Variants in FCHO1 observed in about 807,000 individuals in gnomAD.
FCHO1 encodes the protein FCH and mu domain containing endocytic adaptor 1, also known as F-BAR domain only protein 1.
FCHO1 carries 45 observed loss-of-function variants against 114.4 expected under a neutral mutation model. That is an observed-to-expected ratio of 0.39 (90% CI 0.31 to 0.50). FCHO1 has a LOEUF of 0.50. Among genes scored for constraint, FCHO1 ranks in the 20% least tolerant of loss-of-function variants. FCHO1 has a pLI of 0.77. For synonymous variants in FCHO1, 480 were observed against 488.9 expected (o/e 0.98, Z 0.24); for missense variants, 1,042 against 1,209.6 (o/e 0.86, Z 2.06).
In FCHO1 at chr19:17,775,193, C is replaced by T. The variant is rs2092446406; in HGVS notation, c.945+113C>T. ...AAACTAAAGAGCCGAGATTGAGGGG[C>T]GGGCTGGAGCCTGGGGGCTGGGTTC... On this transcript the variant is annotated intron_variant, in intron 14 of 28. Transcript: ENST00000596536. This position sits in a 1 kb window ranked among gnomAD's most constrained non-coding sequence, Gnocchi z 5.1. The T allele has an allele frequency of 1.1e-5, 13 of 1,237,232 alleles. No individual in the cohort carries two copies. The highest frequency in any genetic ancestry group is 1.5e-5 in the African/African-American group (1 of 66,546). The allele number at this position is 1,237,232 out of a possible 1,614,324, so 76.6% of individuals were successfully genotyped here.
In FCHO1 at chr19:17,775,052, C is replaced by T. The variant is rs751093294; in HGVS notation, c.921-4C>T. ...GACACCAACATCTCTTCCTCCATCCCCAGAGATTTCCTGGAGCCCGATTCA... is the reference window on the plus strand; with the variant it reads ...GACACCAACATCTCTTCCTCCATCCTCAGAGATTTCCTGGAGCCCGATTCA... On this transcript the variant is annotated splice_region_variant and splice_polypyrimidine_tract_variant and intron_variant, in intron 13 of 28. Coordinates refer to ENST00000596536, the MANE Select transcript of FCHO1 (RefSeq NM_015122.3). The surrounding 1 kb of genome is among the most constrained non-coding windows in gnomAD (Gnocchi z 5.1). 2 of 1,613,542 alleles carry T rather than the reference C, an allele frequency of 1.2e-6. No homozygotes were observed. Among genetic ancestry groups the T allele is most frequent in the Non-Finnish European group, 1.7e-6 (2 of 1,179,788 alleles).
chr19:17,770,778 C>T lies in FCHO1; in HGVS notation c.490-14C>T. 2 of 1,613,802 alleles carry T rather than the reference C, an allele frequency of 1.2e-6. No homozygotes were observed. Among genetic ancestry groups the T allele is most frequent in the Non-Finnish European group, 1.7e-6 (2 of 1,179,884 alleles). Reference sequence around the variant, plus strand: ...ATCGCCCTCCCATCCCCGTTTCCTCCCTGTGCTTTGTAGGCGGAGACTAAA... The same window carrying T: ...ATCGCCCTCCCATCCCCGTTTCCTCTCTGTGCTTTGTAGGCGGAGACTAAA... On this transcript the variant is annotated splice_polypyrimidine_tract_variant and intron_variant, in intron 8 of 28. Coordinates refer to ENST00000596536, the MANE Select transcript of FCHO1 (RefSeq NM_015122.3).
At position 17,775,004 on chromosome 19, in the gene FCHO1, G is replaced by T; in HGVS notation, c.921-52G>T. ...GTCCAGTGTTGGGGGCTGACAGGGGGCACCAGATGGGCTGCGGAAGCTGAC... is the reference window on the plus strand; with the variant it reads ...GTCCAGTGTTGGGGGCTGACAGGGGTCACCAGATGGGCTGCGGAAGCTGAC... On this transcript the variant is annotated intron_variant, in intron 13 of 28. Transcript: ENST00000596536. This position sits in a 1 kb window ranked among gnomAD's most constrained non-coding sequence, Gnocchi z 5.1. 1 of 1,606,880 alleles carries T rather than the reference G, an allele frequency of 6.2e-7. No homozygotes were observed. Among genetic ancestry groups the T allele is most frequent in the Non-Finnish European group, 8.5e-7 (1 of 1,173,974 alleles).
intron 9 of FCHO1, 122 bp from the exon 10 acceptor site, chr19:17,772,335 C>A: frequency 1.4e-6 from 1 of 733,442 alleles, no homozygotes; most frequent in Non-Finnish European, 2.4e-6. Context: ...TCTCATTGGC[C>A]CTTCCCCAAA....
chr19:17,770,637 C>G, intron 8 of FCHO1, 60 bp downstream of exon 8: 1 of 1,585,214 alleles, frequency 6.3e-7, no homozygotes, highest in East Asian at 2.3e-5. Flanking sequence ...GCTGCCTGAT[C>G]AGAGAGTGGA....
chr19:17,755,316 G>GT, intron 4 of FCHO1, 125 bp downstream of exon 4: 1 of 873,462 alleles, frequency 1.1e-6, no homozygotes, highest in Non-Finnish European at 1.8e-6. Context: ...AGGGATGGAA[G>GT]TTAAAGTGGG....
chr19:17,778,170 G>A lies in FCHO1; in HGVS notation c.1293G>A (p.Val431=). ...CAERLQSEEQ[V]SKNLFGPPLE... The stretch of plus-strand genomic sequence containing the variant: ...AGAGATTGCAGTCAGAGGAGCAGGT[G>A]TCCAAGAACCTCTTTGGGCCGCCCC... Residue 431 remains valine (V), a synonymous_variant, in exon 19 of 29, where the codon GTG becomes GTA. Transcript: ENST00000596536. The A allele has an allele frequency of 6.2e-7, 1 of 1,614,020 alleles. No homozygotes were observed. Among genetic ancestry groups the A allele is most frequent in the Non-Finnish European group, 8.5e-7 (1 of 1,179,986 alleles).
Position 17,783,164 on chromosome 19 carries a change from G to T in FCHO1, c.2085G>T (p.Leu695=), listed in dbSNP as rs371034799. 18 of 1,613,884 alleles carry T rather than the reference G, an allele frequency of 1.1e-5. No individual in the cohort carries two copies. The highest frequency in any genetic ancestry group is 1.4e-5 in the Non-Finnish European group (17 of 1,179,940). Residue 695 remains leucine, a synonymous_variant, in exon 24 of 29, where the codon CTG becomes CTT. Coordinates refer to ENST00000596536, the MANE Select transcript of FCHO1 (RefSeq NM_015122.3). ...AIEHFQPNAD[L]LFSDPSQSDP... ...AGCACTTCCAGCCCAACGCCGATCT[G>T]CTGTTCAGGTACTATGGAGGGGCAG...
chr19:17,762,432 CTG>C (rs1311308861), intron 4 of FCHO1, among the ~76,000 whole-genome samples: 1 of 151,898 alleles, frequency 6.6e-6, no homozygotes, highest in Non-Finnish European at 1.5e-5. Flanking sequence ...GGGGAGGAGA[CTG>C]AGACAGAAAC....
chr19:17,778,359 C>T, intron 19 of FCHO1, 131 bp downstream of exon 19: 2 of 447,574 alleles, frequency 4.5e-6, no homozygotes, highest in South Asian at 4.9e-5. Context: ...TAGGGGTGGG[C>T]GGGGCCAGAG....
intron 3 of FCHO1, 146 bp from the exon 4 acceptor site, chr19:17,754,972 A>G (rs1197728250): frequency 3.1e-6 from 2 of 653,020 alleles, no homozygotes; most frequent in East Asian, 5.4e-5. Context: ...GGGCTGAATT[A>G]TCTCAGGGGT....
At chr19:17,773,903 CTTT>C (rs58272005) in intron 11 of FCHO1, among the ~76,000 whole-genome samples, 140 of 132,804 alleles carry the variant, frequency 1.1e-3, no homozygotes, top group East Asian at 3.5e-3. Context: ...CTCTCTCTCT[CTTT>C]TTTTTTTTTT....
chr19:17,778,621 T>C lies in FCHO1; in HGVS notation c.1364T>C (p.Leu455Pro). 6.4e-7 allele frequency: 1 copy of C among 1,567,592 alleles called. No individual in the cohort carries two copies. Reference sequence around the variant, plus strand: ...TTCCCTCCCCAAGGCTCTAGCAGCCTGGGCTTCACCTCCAGCCCCTCCCCT... The same window carrying C: ...TTCCCTCCCCAAGGCTCTAGCAGCCCGGGCTTCACCTCCAGCCCCTCCCCT... ...DHEDFTGSSS[L>P]GFTSSPSPFS... The change falls in exon 20 of 29, where the codon CTG becomes CCG. Residue 455 changes from leucine (L) to proline (P), a missense_variant. Physicochemically the swap from Leu to Pro is moderately conservative, Grantham distance 98 (BLOSUM62 -3). Coordinates refer to ENST00000596536, the MANE Select transcript of FCHO1 (RefSeq NM_015122.3).
rs2093570543 is a variant in FCHO1 at position 17,783,097 on chromosome 19, C to T, written c.2018C>T (p.Pro673Leu). ...CGTGTGTTCAGCGGGACCCCACCAC[C>T]ACCTGTCCTCAGCTTCCGGCTTGTA... ...IVRVFSGTPPPPVLSFRLVHT... is the reference protein window; with the variant it reads ...IVRVFSGTPPLPVLSFRLVHT... The change falls in exon 24 of 29, where the codon CCA becomes CTA. Residue 673 changes from proline to leucine, a missense_variant. Physicochemically the swap from Pro to Leu is moderately conservative, Grantham distance 98 (BLOSUM62 -3). Around this residue, in one of 3 missense-constraint regions of FCHO1, gnomAD observed 455 missense variants for 455.4 expected, o/e 1.00. Coordinates refer to ENST00000596536, the MANE Select transcript of FCHO1 (RefSeq NM_015122.3). The T allele has an allele frequency of 6.2e-7, 1 of 1,614,118 alleles. No individual in the cohort carries two copies. Among genetic ancestry groups the T allele is most frequent in the Non-Finnish European group, 8.5e-7 (1 of 1,180,024 alleles).
At chr19:17,786,521 G>T in intron 26 of FCHO1, 53 bp from the exon 27 acceptor site, 1 of 1,586,678 alleles carries the variant, frequency 6.3e-7, no homozygotes, top group East Asian at 2.3e-5. Flanking sequence ...CAGGACCCTG[G>T]GCTCTCAGCA....
chr19:17,770,907 G>A lies in FCHO1; in HGVS notation c.594+11G>A, dbSNP rs1415690228. ...CTGGACTCAGCCCTGGTAAGAACCA[G>A]GCATCTGTACCTTTAAGACCCACAC... On this transcript the variant is annotated intron_variant, in intron 9 of 28. Transcript: ENST00000596536. 1.2e-6 allele frequency: 2 copies of A among 1,611,184 alleles called. No homozygotes were observed. Among genetic ancestry groups the A allele is most frequent in the East Asian group, 2.2e-5 (1 of 44,872 alleles).
At chr19:17,770,637 CAG>C (rs1382522018) in intron 8 of FCHO1, 60 bp downstream of exon 8, 66 of 1,585,096 alleles carry the variant, frequency 4.2e-5, no homozygotes, top group Non-Finnish European at 5.0e-5. Flanking sequence ...GCTGCCTGAT[CAG>C]AGAGTGGAAA....
At chr19:17,774,586 T>G (rs1357962400) in intron 13 of FCHO1, 108 bp downstream of exon 13, 2 of 856,104 alleles carry the variant, frequency 2.3e-6, no homozygotes, top group Non-Finnish European at 3.6e-6. Context: ...GTATCCATAT[T>G]CCAGGCTGGA....
intron 7 of FCHO1, 28 bp downstream of exon 7, chr19:17,766,838 C>T (rs2089362414): frequency 6.2e-7 from 1 of 1,603,680 alleles, no homozygotes; most frequent in Non-Finnish European, 8.5e-7. Flanking sequence ...CGCCCAGCGG[C>T]TGGGTGGGTG....
Sources: gnomAD v4.1 joint callset for allele counts (sites outside exome capture counted in the v4.1 genomes callset) on GRCh38, gnomAD v4.1.1 for gene constraint, gnomAD v4.1.1 regional missense constraint, Gnocchi (gnomAD v3.1) non-coding constraint, MANE v1.5 for transcripts, NCBI Gene and HGNC (gene_info 2026-07-23, HGNC 2026-07-21) for gene names.